Variants in DICER1 observed in about 807,000 individuals in gnomAD.
DICER1 encodes endoribonuclease Dicer.
A neutral mutation model predicts 194.1 loss-of-function variants in DICER1; 43 were observed. That is an observed-to-expected ratio of 0.22 (90% CI 0.17 to 0.29). The LOEUF (loss-of-function observed/expected upper bound fraction) is 0.29. Ranked by LOEUF, DICER1 falls within the 10% of genes least tolerant of loss-of-function variation. The pLI is 1.00. For synonymous variants in DICER1, 832 were observed against 820.5 expected (o/e 1.01, Z -0.24); for missense variants, 1,608 against 2,317.0 (o/e 0.69, Z 6.28).
At chr14:95,108,865 T>G (rs1226505466) in intron 14 of DICER1, among the ~76,000 whole-genome samples, 1 of 152,222 alleles carries the variant, frequency 6.6e-6, no homozygotes, top group East Asian at 1.9e-4. Context: ...TTTTATGTAT[T>G]AACTGTAGAG....
At chr14:95,151,355 A>G (rs558026394) in intron 1 of DICER1, among the ~76,000 whole-genome samples, 1 of 152,330 alleles carries the variant, frequency 6.6e-6, no homozygotes, top group Admixed American at 6.5e-5. Flanking sequence ...AATATTGATA[A>G]TTTGGGGGCT....
At chr14:95,144,638 T>C (rs559420571) in intron 1 of DICER1, among the ~76,000 whole-genome samples, 1 of 152,298 alleles carries the variant, frequency 6.6e-6, no homozygotes, top group South Asian at 2.1e-4. Context: ...AACCGTAAGA[T>C]TCGGCATAGA....
At chr14:95,110,117 C>T (rs1027976725) in intron 14 of DICER1, among the ~76,000 whole-genome samples, 1 of 152,080 alleles carries the variant, frequency 6.6e-6, no homozygotes, top group Admixed American at 6.5e-5. Context: ...CAGTTAAATT[C>T]CTCCAGCACA....
At chr14:95,112,065 G>T in intron 13 of DICER1, 107 bp downstream of exon 13, 1 of 934,274 alleles carries the variant, frequency 1.1e-6, no homozygotes, top group Non-Finnish European at 1.7e-6. Context: ...ATCAGCAAGT[G>T]AATAGCTCTA....
In DICER1 at chr14:95,108,837, T is replaced by A. The variant is rs193249720; in HGVS notation, c.2257-334A>T. 2.6e-4 allele frequency among the ~76,000 whole-genome samples: 39 copies of A among 152,342 alleles called. 1 individual carries two copies. The East Asian group carries it at 7.3e-3, about 29-fold the overall frequency. The stretch of plus-strand genomic sequence containing the variant: ...GATCTATTTCTTCTGACAAGAAAAC[T>A]CATCTCTTCCTTGGGCTTTTTATGT... On this transcript the variant is annotated intron_variant, in intron 14 of 26. Transcript: ENST00000343455.
Position 95,124,021 on chromosome 14 carries a change from G to A in DICER1, c.1376+175C>T, listed in dbSNP as rs144350921. ...TCAGCCATATGAAAAGCAGCCTTCTGGAAAACATCCTCTCTGTCAATCCCA... is the reference window on the plus strand; with the variant it reads ...TCAGCCATATGAAAAGCAGCCTTCTAGAAAACATCCTCTCTGTCAATCCCA... On this transcript the variant is annotated intron_variant, in intron 8 of 26. Coordinates refer to ENST00000343455, the MANE Select transcript of DICER1 (RefSeq NM_177438.3). The surrounding 1 kb of genome is among the most constrained non-coding windows in gnomAD (Gnocchi z 4.5). 7.1e-3 allele frequency among the ~76,000 whole-genome samples: 1,088 copies of A among 152,236 alleles called. 12 individuals carry two copies. Among genetic ancestry groups the A allele is most frequent in the African/African-American group, 0.025 (1,041 of 41,538 alleles).
chr14:95,132,782 GTCC>G, intron 2 of DICER1, 105 bp from the exon 3 acceptor site: 1 of 1,141,594 alleles, frequency 8.8e-7, no homozygotes, highest in South Asian at 1.3e-5. Context: ...CTCTAAAATC[GTCC>G]TCCAATAAAT....
In DICER1 at chr14:95,104,406, G is replaced by A. The variant is rs918084812; in HGVS notation, c.3270-280C>T. ...TGCAGGACCTGGGGCCTAGCTTCACGGGTTGGAATCCCAGGCACTCTGGTT... is the reference window on the plus strand; with the variant it reads ...TGCAGGACCTGGGGCCTAGCTTCACAGGTTGGAATCCCAGGCACTCTGGTT... On this transcript the variant is annotated intron_variant, in intron 20 of 26. Transcript: ENST00000343455. Among the ~76,000 whole-genome samples the A allele has an allele frequency of 2.6e-5, 4 of 152,156 alleles. No individual in the cohort carries two copies. In the South Asian group the frequency reaches 8.3e-4, roughly 32 times the overall value.
intron 23 of DICER1, 182 bp downstream of exon 23, chr14:95,095,643 A>G: frequency 1.4e-6 from 1 of 715,602 alleles, no homozygotes; most frequent in Admixed American, 2.1e-5. Context: ...GTTATAAAGC[A>G]ATACGTGCTC....
intron 13 of DICER1, 145 bp downstream of exon 13, chr14:95,112,027 A>G: frequency 1.4e-6 from 1 of 731,772 alleles, no homozygotes; most frequent in African/African-American, 1.8e-5. Flanking sequence ...ACTAACACTT[A>G]TGTTTATATT....
chr14:95,133,453 T>G lies in DICER1; in HGVS notation c.6A>C (p.Lys2Asn), dbSNP rs1416298002. The G allele has an allele frequency of 2.5e-6, 4 of 1,612,814 alleles. No individual in the cohort carries two copies. Among genetic ancestry groups the G allele is most frequent in the Non-Finnish European group, 3.4e-6 (4 of 1,179,320 alleles). Reference protein sequence around the residue: MKSPALQPLSMA... With the variant: MNSPALQPLSMA... ...TGCTGAGGGGTTGCAAAGCAGGGCTTTTCATTCATCCAGTGTTTCTTTCAT... is the reference window on the plus strand; with the variant it reads ...TGCTGAGGGGTTGCAAAGCAGGGCTGTTCATTCATCCAGTGTTTCTTTCAT... The change falls in exon 2 of 27, where the codon AAA becomes AAC. Residue 2 changes from lysine (K) to asparagine (N), a missense_variant. Around this residue, in one of 10 missense-constraint regions of DICER1, gnomAD observed 657 missense variants for 910.1 expected, o/e 0.72. Coordinates refer to ENST00000343455, the MANE Select transcript of DICER1 (RefSeq NM_177438.3).
intron 15 of DICER1, 32 bp downstream of exon 15, chr14:95,108,292 T>C: frequency 6.2e-7 from 1 of 1,606,604 alleles, no homozygotes; most frequent in Non-Finnish European, 8.5e-7. Flanking sequence ...GCAAGACGTT[T>C]TTGACATAAG....
At chr14:95,142,747 T>C (rs571158765) in intron 1 of DICER1, among the ~76,000 whole-genome samples, 2 of 152,324 alleles carry the variant, frequency 1.3e-5, no homozygotes, top group East Asian at 3.9e-4. Context: ...CATAGGCCCC[T>C]TTAAGATAAC....
At chr14:95,117,191 T>C (rs1337202071) in intron 9 of DICER1, among the ~76,000 whole-genome samples, 1 of 151,964 alleles carries the variant, frequency 6.6e-6, no homozygotes, top group Non-Finnish European at 1.5e-5. Context: ...ATCTATAAAA[T>C]ATAGTGCTGT....
At chr14:95,126,781 G>A in intron 6 of DICER1, 33 bp from the exon 7 acceptor site, 2 of 1,384,766 alleles carry the variant, frequency 1.4e-6, no homozygotes, top group East Asian at 2.4e-5. Context: ...TATCAATACT[G>A]CAGTAGTGAG....
At chr14:95,115,550 T>C (rs1892360974) in intron 11 of DICER1, 117 bp downstream of exon 11, 5 of 1,114,494 alleles carry the variant, frequency 4.5e-6, no homozygotes, top group East Asian at 2.4e-5. Flanking sequence ...ATCGAAAATA[T>C]GGCAAGTCTA....
At position 95,103,611 on chromosome 14, in the gene DICER1, G is replaced by C; in HGVS notation, c.3785C>G (p.Pro1262Arg). Residue 1262 changes from proline (P) to arginine (R), a missense_variant, in exon 21 of 27, where the codon CCT becomes CGT. Pro to Arg is a moderately radical substitution (Grantham distance 103). Transcript: ENST00000343455. The stretch of plus-strand genomic sequence containing the variant: ...CACTTGAATAGTGTCTGTCGTACCA[G>C]GCATTACGGCCATCACAGGACTTCC... ...SDGSPVMAVM[P>R]GTTDTIQVLK... The C allele has an allele frequency of 6.2e-7, 1 of 1,614,164 alleles. No homozygotes were observed. Among genetic ancestry groups the C allele is most frequent in the East Asian group, 2.2e-5 (1 of 44,876 alleles).
At chr14:95,123,571 C>T (rs1893124813) in intron 8 of DICER1, among the ~76,000 whole-genome samples, 1 of 152,118 alleles carries the variant, frequency 6.6e-6, no homozygotes, top group Non-Finnish European at 1.5e-5. Context: ...TACAGGCATA[C>T]ACCACCACCG....
At chr14:95,109,289 A>T (rs1197583850) in intron 14 of DICER1, among the ~76,000 whole-genome samples, 1 of 152,246 alleles carries the variant, frequency 6.6e-6, no homozygotes, top group Non-Finnish European at 1.5e-5. Flanking sequence ...AAAGAACTGC[A>T]TCTGTAGTTA....
Sources: allele counts gnomAD v4.1 joint callset (sites outside exome capture counted in the v4.1 genomes callset), GRCh38; gene constraint gnomAD v4.1.1; regional missense constraint gnomAD v4.1.1; non-coding constraint Gnocchi (gnomAD v3.1); transcripts MANE v1.5; gene names NCBI Gene and HGNC (gene_info 2026-07-23, HGNC 2026-07-21).